Variants in MTMR12 observed in about 807,000 individuals in gnomAD.
MTMR12 encodes the protein myotubularin-related protein 12.
MTMR12 carries 33 observed loss-of-function variants against 96.7 expected under a neutral mutation model. The observed-to-expected ratio is 0.34, with a 90% confidence interval of 0.26 to 0.46. The LOEUF is 0.46. Among genes scored for constraint, MTMR12 ranks in the 20% least tolerant of loss-of-function variants. The pLI is 1.00. For missense variants in MTMR12, 721 were observed against 896.1 expected, an observed-to-expected ratio of 0.80 and a Z score of 2.49; for synonymous variants, 298 against 327.2, an observed-to-expected ratio of 0.91 and a Z score of 0.96.
At chr5:32,245,889 C>A (rs1373094927) in intron 10 of MTMR12, among the ~76,000 whole-genome samples, 4 of 151,968 alleles carry the variant, frequency 2.6e-5, no homozygotes, top group Admixed American at 2.6e-4. Flanking sequence ...AGTCAACAAG[C>A]AAAATGGCTG....
chr5:32,255,961 A>G, intron 7 of MTMR12, 193 bp from the exon 8 acceptor site: 1 of 400,470 alleles, frequency 2.5e-6, no homozygotes. Flanking sequence ...TCAGTGGGGA[A>G]TCTAAGTTCA....
chr5:32,298,306 T>G (rs1751001744), intron 1 of MTMR12, among the ~76,000 whole-genome samples: 1 of 152,050 alleles, frequency 6.6e-6, no homozygotes, highest in African/African-American at 2.4e-5. Context: ...AAGGGCACAG[T>G]GGGGGCTGTG....
Position 32,233,220 on chromosome 5 carries a change from T to TTTTC in MTMR12, c.1674+549_1674+552dup, listed in dbSNP as rs201908323. On this transcript the variant is annotated intron_variant, in intron 15 of 15. Coordinates refer to ENST00000382142, the MANE Select transcript of MTMR12 (RefSeq NM_001040446.3). This position sits in a 1 kb window ranked among gnomAD's most constrained non-coding sequence, Gnocchi z 5.0. Reference sequence around the variant, plus strand: ...TCACCTACTAAGGCTCCTTTTTTTTTTTTCAAGTAAAGGAATAAAGAATGG... The same window carrying TTTTC: ...TCACCTACTAAGGCTCCTTTTTTTTTTTTCTTTCAAGTAAAGGAATAAAGAATGG... 2.0e-4 allele frequency among the ~76,000 whole-genome samples: 30 copies of TTTTC among 152,064 alleles called. No homozygotes were observed. The East Asian group carries it at 5.8e-3, about 29-fold the overall frequency.
chr5:32,244,297 A>G (rs926210769), intron 10 of MTMR12, among the ~76,000 whole-genome samples: 6 of 151,874 alleles, frequency 4.0e-5, no homozygotes, highest in Non-Finnish European at 7.4e-5. Context: ...GAAAAGAAAA[A>G]AAAAAAAAAA....
chr5:32,239,606 C>T (rs757562153), intron 12 of MTMR12, among the ~76,000 whole-genome samples: 4 of 152,074 alleles, frequency 2.6e-5, no homozygotes, highest in East Asian at 1.9e-4. Flanking sequence ...GGGGTGTGGA[C>T]GCCTCCGTCA....
rs974591522 is a variant in MTMR12, at chr5:32,247,811, G to A, written c.1021+191C>T. 4.1e-6 allele frequency: 4 copies of A among 984,432 alleles called. No homozygotes were observed. In the African/African-American group the frequency reaches 7.0e-5, roughly 17 times the overall value. The allele number at this position is 984,432 out of a possible 1,614,324, so 61.0% of individuals were successfully genotyped here. ...CACTGCCACAATAAGGAGGCGGGGAGGGAAAGCCTGGAGAGAGATGGAGAG... is the reference window on the plus strand; with the variant it reads ...CACTGCCACAATAAGGAGGCGGGGAAGGAAAGCCTGGAGAGAGATGGAGAG... On this transcript the variant is annotated intron_variant, in intron 10 of 15. Coordinates refer to ENST00000382142, the MANE Select transcript of MTMR12 (RefSeq NM_001040446.3).
intron 1 of MTMR12, among the ~76,000 whole-genome samples, chr5:32,308,194 C>T (rs368258060): frequency 1.3e-5 from 2 of 152,080 alleles, no homozygotes; most frequent in African/African-American, 4.8e-5. Flanking sequence ...TGGTGGTGCA[C>T]GCCTGTAGTC....
In MTMR12 at chr5:32,269,873, A is replaced by C. The variant is rs182171519; in HGVS notation, c.489+944T>G. Reference sequence around the variant, plus strand: ...GCTGTTTCGTGTGAAACTAAAGTATATTTGGTTAAGTGACTAAAACCATTG... The same window carrying C: ...GCTGTTTCGTGTGAAACTAAAGTATCTTTGGTTAAGTGACTAAAACCATTG... On this transcript the variant is annotated intron_variant, in intron 5 of 15. Coordinates refer to ENST00000382142, the MANE Select transcript of MTMR12 (RefSeq NM_001040446.3). 1.8e-4 allele frequency among the ~76,000 whole-genome samples: 28 copies of C among 152,312 alleles called. 1 individual carries two copies. In the East Asian group the frequency reaches 4.8e-3, roughly 26 times the overall value.
At chr5:32,280,755 A>G (rs1284313084) in intron 1 of MTMR12, among the ~76,000 whole-genome samples, 1 of 152,150 alleles carries the variant, frequency 6.6e-6, no homozygotes, top group Non-Finnish European at 1.5e-5. Flanking sequence ...ATTTAAACTG[A>G]CTGAGTGTCA....
intron 9 of MTMR12, 85 bp from the exon 10 acceptor site, chr5:32,248,211 G>A: frequency 5.6e-6 from 8 of 1,417,066 alleles, no homozygotes; most frequent in East Asian, 2.3e-5. Flanking sequence ...TCTGTGTTAA[G>A]GGCTCAGTAG....
rs1253610171 is a variant in MTMR12 at position 32,233,304 on chromosome 5, T to C, written c.1674+469A>G. ...TTGTACTACAACAGTAGAGGGGTAG[T>C]TGTGACAGAGACTTTGCAGCCCTTG... On this transcript the variant is annotated intron_variant, in intron 15 of 15. Transcript: ENST00000382142. The surrounding 1 kb of genome is among the most constrained non-coding windows in gnomAD (Gnocchi z 5.0). Among the ~76,000 whole-genome samples the C allele has an allele frequency of 6.6e-6, 1 of 152,102 alleles. No individual in the cohort carries two copies. The highest frequency in any genetic ancestry group is 1.5e-5 in the Non-Finnish European group (1 of 68,014).
intron 12 of MTMR12, 80 bp from the exon 13 acceptor site, chr5:32,239,253 C>T (rs1326773585): frequency 2.9e-6 from 4 of 1,382,566 alleles, no homozygotes; most frequent in African/African-American, 2.9e-5. Context: ...CTCACTTGCA[C>T]AGTTAAAAGT....
intron 2 of MTMR12, among the ~76,000 whole-genome samples, chr5:32,274,641 TC>T (rs766794497): frequency 6.6e-6 from 1 of 152,168 alleles, no homozygotes; most frequent in Non-Finnish European, 1.5e-5. Flanking sequence ...CCAGGCAGCT[TC>T]CATAGATCCA....
At chr5:32,311,784 C>G (rs1751607527) in intron 1 of MTMR12, among the ~76,000 whole-genome samples, 1 of 152,184 alleles carries the variant, frequency 6.6e-6, no homozygotes, top group Non-Finnish European at 1.5e-5. Flanking sequence ...CAGACACACT[C>G]CCACCTCACG....
chr5:32,254,407 C>G (rs1463368551), intron 8 of MTMR12, among the ~76,000 whole-genome samples: 2 of 152,136 alleles, frequency 1.3e-5, no homozygotes, highest in Admixed American at 6.6e-5. Flanking sequence ...CACTGCCACA[C>G]CAGCAGAAAA....
intron 1 of MTMR12, among the ~76,000 whole-genome samples, chr5:32,283,919 A>G (rs1750409046): frequency 6.6e-6 from 1 of 152,118 alleles, no homozygotes; most frequent in South Asian, 2.1e-4. Flanking sequence ...AAGCCAACTG[A>G]CTCAAGAGTT....
chr5:32,312,603 C>G lies in MTMR12; in HGVS notation c.81+155G>C, dbSNP rs1751642743. On this transcript the variant is annotated intron_variant, in intron 1 of 15. Transcript: ENST00000382142. The surrounding 1 kb of genome is among the most constrained non-coding windows in gnomAD (Gnocchi z 5.0). ...ATTCCGGCCCGCGCGGAGGCCCCAG[C>G]GCGCTCCTGCGGCCTCAGCCCGCCT... is the stretch of plus-strand genomic sequence containing the variant. 1.3e-5 allele frequency among the ~76,000 whole-genome samples: 2 copies of G among 152,062 alleles called. No homozygotes were observed.
At chr5:32,263,015 C>G in intron 7 of MTMR12, 98 bp downstream of exon 7, 1 of 1,411,388 alleles carries the variant, frequency 7.1e-7, no homozygotes, top group Non-Finnish European at 9.6e-7. Flanking sequence ...TCTAAATTGA[C>G]TGTGGTGATG....
intron 8 of MTMR12, 99 bp from the exon 9 acceptor site, chr5:32,248,977 T>C: frequency 1.1e-6 from 1 of 882,616 alleles, no homozygotes. Context: ...ATCTGTAACT[T>C]CAGTATGAAA....
Sources: gnomAD v4.1 joint callset for allele counts (sites outside exome capture counted in the v4.1 genomes callset) on GRCh38, gnomAD v4.1.1 for gene constraint, Gnocchi (gnomAD v3.1) non-coding constraint, MANE v1.5 for transcripts, NCBI Gene and HGNC (gene_info 2026-07-23, HGNC 2026-07-21) for gene names.